The following ARHGAP15 variants were observed in gnomAD, a reference collection of about 807,000 sequenced individuals.
ARHGAP15 encodes the protein Rho GTPase activating protein 15, also known as rho GTPase-activating protein 15.
Under a neutral mutation model 63.7 loss-of-function variants are expected in ARHGAP15, and 51 were observed. The ratio of observed to expected loss-of-function variants is 0.80; its 90% CI spans 0.64 to 1.01. ARHGAP15 has a LOEUF of 1.01. Ranked by LOEUF, ARHGAP15 falls within the 50% of genes least tolerant of loss-of-function variation. The pLI is 0.00. For missense variants in ARHGAP15, 560 were observed against 564.6 expected, an observed-to-expected ratio of 0.99 and a Z score of 0.08; for synonymous variants, 191 against 193.8, an observed-to-expected ratio of 0.99 and a Z score of 0.12.
intron 6 of ARHGAP15, among the ~76,000 whole-genome samples, chr2:143,385,261 G>A (rs1558936037): frequency 1.3e-5 from 2 of 152,104 alleles, no homozygotes; most frequent in Non-Finnish European, 1.5e-5. Context: ...TGTAGTTCAT[G>A]TACAACTCAT....
At chr2:143,733,300 A>C (rs1455055871) in intron 13 of ARHGAP15, among the ~76,000 whole-genome samples, 1 of 152,186 alleles carries the variant, frequency 6.6e-6, no homozygotes, top group African/African-American at 2.4e-5. Flanking sequence ...CTTTCTAGGA[A>C]TGCTGAAAAG....
intron 11 of ARHGAP15, among the ~76,000 whole-genome samples, chr2:143,604,793 C>T (rs1697920646): frequency 6.6e-6 from 1 of 152,198 alleles, no homozygotes. Context: ...CGACTCTGCG[C>T]TTTCTCCTAA....
intron 3 of ARHGAP15, among the ~76,000 whole-genome samples, chr2:143,203,535 G>A (rs6750140): frequency 0.17 from 25,688 of 152,040 alleles, 2,366 homozygotes; most frequent in Middle Eastern, 0.25. Flanking sequence ...AATGCTCACT[G>A]TTTGGGTAGT....
chr2:143,368,471 T>C (rs1296448204), intron 6 of ARHGAP15, among the ~76,000 whole-genome samples: 1 of 152,046 alleles, frequency 6.6e-6, no homozygotes, highest in Non-Finnish European at 1.5e-5. Flanking sequence ...ATTTGGAATT[T>C]TCCTACAGTT....
chr2:143,194,223 C>A lies in ARHGAP15; in HGVS notation c.166-7911C>A, dbSNP rs1431789021. Among the ~76,000 whole-genome samples the A allele has an allele frequency of 5.3e-5, 8 of 152,080 alleles. No homozygotes were observed. In the East Asian group the frequency reaches 1.5e-3, roughly 29 times the overall value. On this transcript the variant is annotated intron_variant, in intron 2 of 13. Transcript: ENST00000295095. Reference sequence around the variant, plus strand: ...GCTATTGTTTTCTGTTGTCTTAAATCTTTTTATTTTAAATATAACATATGA... The same window carrying A: ...GCTATTGTTTTCTGTTGTCTTAAATATTTTTATTTTAAATATAACATATGA...
chr2:143,394,874 T>G (rs761072092), intron 6 of ARHGAP15, among the ~76,000 whole-genome samples: 2 of 152,078 alleles, frequency 1.3e-5, no homozygotes, highest in South Asian at 2.1e-4. Flanking sequence ...CTATGTCTTA[T>G]GAGGAGGAGA....
chr2:143,243,935 T>C (rs1172014774), intron 5 of ARHGAP15, among the ~76,000 whole-genome samples: 1 of 152,166 alleles, frequency 6.6e-6, no homozygotes, highest in African/African-American at 2.4e-5. Flanking sequence ...ACTTAAGAAC[T>C]TTGTTTTTTT....
chr2:143,580,486 A>T lies in ARHGAP15; in HGVS notation c.1003+24001A>T, dbSNP rs570157160. Among the ~76,000 whole-genome samples, 193 of 152,208 alleles carry T rather than the reference A, an allele frequency of 1.3e-3. 1 individual carries two copies. Among genetic ancestry groups the T allele is most frequent in the African/African-American group, 4.4e-3 (182 of 41,546 alleles). On this transcript the variant is annotated intron_variant, in intron 11 of 13. Transcript: ENST00000295095. The stretch of plus-strand genomic sequence containing the variant: ...TCCACCTCGATGACTTGCCGGTGAC[A>T]ACAGATTCTGTATTCTGGATCTCTT...
intron 9 of ARHGAP15, among the ~76,000 whole-genome samples, chr2:143,491,773 T>A (rs1211712845): frequency 6.6e-6 from 1 of 152,226 alleles, no homozygotes; most frequent in Non-Finnish European, 1.5e-5. Flanking sequence ...TTATCTTCAG[T>A]GTTGTAATAT....
intron 6 of ARHGAP15, among the ~76,000 whole-genome samples, chr2:143,272,167 C>G (rs2105054343): frequency 6.6e-6 from 1 of 152,236 alleles, no homozygotes; most frequent in Admixed American, 6.5e-5. Flanking sequence ...GTGAATGGTC[C>G]TGGTGGCCCC....
intron 9 of ARHGAP15, among the ~76,000 whole-genome samples, chr2:143,495,158 C>T (rs758411703): frequency 8.6e-5 from 13 of 152,012 alleles, no homozygotes; most frequent in Non-Finnish European, 1.9e-4. Flanking sequence ...TTTTTTGTTT[C>T]TTCCTTTCTT....
intron 2 of ARHGAP15, among the ~76,000 whole-genome samples, chr2:143,161,636 C>T (rs920493451): frequency 1.3e-5 from 2 of 151,800 alleles, no homozygotes; most frequent in Admixed American, 6.6e-5. Flanking sequence ...AGCGAGAATG[C>T]CTCTAACATG....
At chr2:143,454,286 GTT>G (rs1488331296) in intron 8 of ARHGAP15, among the ~76,000 whole-genome samples, 1 of 151,950 alleles carries the variant, frequency 6.6e-6, no homozygotes, top group African/African-American at 2.4e-5. Flanking sequence ...ATTGAGCCAA[GTT>G]TATTGTAAGT....
rs114793830 is a variant in ARHGAP15, at chr2:143,380,798, C to T, written c.475-54803C>T. On this transcript the variant is annotated intron_variant, in intron 6 of 13. Coordinates refer to ENST00000295095, the MANE Select transcript of ARHGAP15 (RefSeq NM_018460.4). Reference sequence around the variant, plus strand: ...TGGGCTCATGATACTGGGATATAAACTTTACATCAGGCTTAGCGAACAGAA... The same window carrying T: ...TGGGCTCATGATACTGGGATATAAATTTTACATCAGGCTTAGCGAACAGAA... Among the ~76,000 whole-genome samples, 551 of 152,244 alleles carry T rather than the reference C, an allele frequency of 3.6e-3. 2 individuals carry two copies. Among genetic ancestry groups the T allele is most frequent in the African/African-American group, 0.012 (513 of 41,548 alleles).
intron 12 of ARHGAP15, among the ~76,000 whole-genome samples, chr2:143,650,802 T>C (rs1411981142): frequency 1.3e-5 from 2 of 152,068 alleles, no homozygotes; most frequent in African/African-American, 4.8e-5. Flanking sequence ...CTATTTGGTA[T>C]ATAATGTTAT....
intron 9 of ARHGAP15, among the ~76,000 whole-genome samples, chr2:143,488,136 TC>T (rs1692411003): frequency 1.3e-5 from 2 of 152,224 alleles, no homozygotes; most frequent in African/African-American, 4.8e-5. Context: ...AGATCACCAG[TC>T]ACTCATTTTG....
chr2:143,347,202 G>C (rs1685338763), intron 6 of ARHGAP15, among the ~76,000 whole-genome samples: 3 of 152,102 alleles, frequency 2.0e-5, no homozygotes, highest in African/African-American at 7.2e-5. Context: ...GAACAAGAAA[G>C]AGAAACAAAG....
chr2:143,651,020 C>A (rs1324397942), intron 12 of ARHGAP15, among the ~76,000 whole-genome samples: 1 of 151,902 alleles, frequency 6.6e-6, no homozygotes, highest in Non-Finnish European at 1.5e-5. Flanking sequence ...ATTGTTCATA[C>A]ATAAGACTGT....
chr2:143,307,952 A>T (rs1683252964), intron 6 of ARHGAP15, among the ~76,000 whole-genome samples: 1 of 152,168 alleles, frequency 6.6e-6, no homozygotes, highest in African/African-American at 2.4e-5. Flanking sequence ...ACAAGAAACT[A>T]GATACAGCAC....
Sources: gnomAD v4.1 joint callset for allele counts (sites outside exome capture counted in the v4.1 genomes callset) on GRCh38, gnomAD v4.1.1 for gene constraint, MANE v1.5 for transcripts, NCBI Gene and HGNC (gene_info 2026-07-23, HGNC 2026-07-21) for gene names.